Variants in APBB1 observed in about 807,000 individuals in gnomAD.
The protein encoded by APBB1 is adaptor protein FE65a2.
Under a neutral mutation model 78.4 loss-of-function variants are expected in APBB1, and 22 were observed. The ratio of observed to expected loss-of-function variants is 0.28; its 90% confidence interval spans 0.20 to 0.40. The LOEUF (loss-of-function observed/expected upper bound fraction) is 0.40, where lower values mean the gene tolerates loss of function less well. APBB1 is among the 10% of genes least tolerant of loss of function. The probability of loss-of-function intolerance (pLI) is 1.00; values close to 1 mark genes in which losing one functional copy is unlikely to be tolerated. For synonymous variants in APBB1, 369 were observed against 372.7 expected (o/e 0.99, Z 0.12); for missense variants, 749 against 932.4 (o/e 0.80, Z 2.56).
intron 2 of APBB1, among the ~76,000 whole-genome samples, chr11:6,406,698 C>A (rs1421252774): frequency 6.6e-6 from 1 of 152,118 alleles, no homozygotes; most frequent in Non-Finnish European, 1.5e-5. Flanking sequence ...TCCCAGCCCA[C>A]CTCCCTTACT....
chr11:6,415,889 C>A (rs1044559227), intron 1 of APBB1, among the ~76,000 whole-genome samples: 3 of 152,214 alleles, frequency 2.0e-5, no homozygotes, highest in African/African-American at 7.2e-5. Context: ...GGTCTCCCAA[C>A]TTGACCTGAC....
chr11:6,405,727 C>T (rs768903913), intron 2 of APBB1: 53 of 971,906 alleles, frequency 5.5e-5, no homozygotes, highest in Non-Finnish European at 6.4e-5. Flanking sequence ...GCAGCCATCA[C>T]CGCCTCTCCT....
At chr11:6,404,667 C>A in intron 2 of APBB1, 9 of 1,536,264 alleles carry the variant, frequency 5.9e-6, no homozygotes, top group South Asian at 3.6e-5. Flanking sequence ...AACCCTGTAA[C>A]CCGCTCATGC....
Position 6,401,915 on chromosome 11 carries a change from G to C in APBB1, c.1388+62C>G, listed in dbSNP as rs778129359. 1.1e-5 allele frequency: 17 copies of C among 1,550,852 alleles called. No individual in the cohort carries two copies. The highest frequency in any genetic ancestry group is 1.5e-5 in the Non-Finnish European group (17 of 1,151,240). ...GGTGGGAAGGGGCAGGGCAGAAGAG[G>C]GGAGCTTGGGTGCTTCCAGGCATCT... On this transcript the variant is annotated intron_variant, in intron 9 of 14. Transcript: ENST00000609360. This position sits in a 1 kb window ranked among gnomAD's most constrained non-coding sequence, Gnocchi z 4.5.
chr11:6,412,508 C>T (rs1231040104), intron 1 of APBB1, among the ~76,000 whole-genome samples: 1 of 152,160 alleles, frequency 6.6e-6, no homozygotes, highest in Non-Finnish European at 1.5e-5. Context: ...CCCTGAACAC[C>T]CATTTTAAAA....
chr11:6,414,218 T>C (rs752760390), intron 1 of APBB1, among the ~76,000 whole-genome samples: 4 of 152,136 alleles, frequency 2.6e-5, no homozygotes, highest in Non-Finnish European at 4.4e-5. Flanking sequence ...AAGCCCTGGG[T>C]CTTTGTTTAT....
intron 2 of APBB1, chr11:6,405,700 G>C (rs1848775099): frequency 2.0e-6 from 2 of 985,370 alleles, no homozygotes. Flanking sequence ...AGGGGCTCTT[G>C]CCCATCCACC....
In APBB1 at chr11:6,403,385, G is replaced by T; in HGVS notation, c.974C>A (p.Ala325Asp). 1 of 1,614,140 alleles carries T rather than the reference G, an allele frequency of 6.2e-7. No individual in the cohort carries two copies. Among genetic ancestry groups the T allele is most frequent in the Non-Finnish European group, 8.5e-7 (1 of 1,180,008 alleles). ...EFWKDEPSDE[A>D]PMELGLKEPE... ...TTCCTTCAGTCCCAGCTCCATTGGG[G>T]CCTCATCACTGGGTTCATCCTTGGG... The change falls in exon 5 of 15, where the codon GCC (alanine) becomes GAC (aspartate). Residue 325 changes from alanine (A) to aspartate (D), a missense_variant. Ala to Asp is a moderately radical substitution (Grantham distance 126, BLOSUM62 -2). Around this residue, in one of 3 missense-constraint regions of APBB1, gnomAD observed 635 missense variants for 765.0 expected, o/e 0.83. Transcript: ENST00000609360. This position sits in a 1 kb window ranked among gnomAD's most constrained non-coding sequence, Gnocchi z 5.3.
chr11:6,397,223 G>A (rs940951301), intron 12 of APBB1, among the ~76,000 whole-genome samples: 4 of 152,224 alleles, frequency 2.6e-5, no homozygotes, highest in Non-Finnish European at 4.4e-5. Flanking sequence ...GCCCCTTTTA[G>A]TGGCTCTCAG....
intron 1 of APBB1, among the ~76,000 whole-genome samples, chr11:6,416,465 A>G (rs1334039485): frequency 6.6e-6 from 1 of 152,144 alleles, no homozygotes; most frequent in Non-Finnish European, 1.5e-5. Context: ...TTTCTACTCA[A>G]CATCTCCACT....
rs1450127698 is a variant in APBB1 at position 6,403,054 on chromosome 11, C to A, written c.1104+91G>T. The A allele has an allele frequency of 6.4e-6, 8 of 1,259,508 alleles. No homozygotes were observed. The Admixed American group carries it at 1.4e-4, about 21-fold the overall frequency. 78.0% of individuals were successfully genotyped at this position (1,259,508 alleles called of 1,614,324 possible). A position where few individuals can be genotyped will look rare whatever the true frequency, so the allele number is the denominator to read the frequency against. On this transcript the variant is annotated intron_variant, in intron 6 of 14. Coordinates refer to ENST00000609360, the MANE Select transcript of APBB1 (RefSeq NM_001164.5). This position sits in a 1 kb window ranked among gnomAD's most constrained non-coding sequence, Gnocchi z 5.3. The stretch of plus-strand genomic sequence containing the variant: ...AACTCCTAACTCAGGACCTGGGGAA[C>A]TGCGCTGAGACCCCTCAGAGCACAA...
chr11:6,415,674 G>C (rs371360625), intron 1 of APBB1, among the ~76,000 whole-genome samples: 42 of 152,230 alleles, frequency 2.8e-4, no homozygotes, highest in African/African-American at 9.4e-4. Context: ...ATTCACAGAG[G>C]AAAGGGAAGC....
intron 6 of APBB1, chr11:6,402,926 T>C: frequency 1.2e-6 from 1 of 803,926 alleles, no homozygotes; most frequent in Middle Eastern, 3.5e-4. Flanking sequence ...AAAAAGCACC[T>C]GAACTAAGAC....
At chr11:6,396,565 A>C in intron 12 of APBB1, 1 of 279,726 alleles carries the variant, frequency 3.6e-6, no homozygotes, top group Non-Finnish European at 6.8e-6. Context: ...ATTGCTTCAC[A>C]CCACAATAAC....
rs1340212216 is a variant in APBB1, at chr11:6,411,393, C to A, written c.-14-32G>T. On this transcript the variant is annotated intron_variant, in intron 1 of 14. Coordinates refer to ENST00000609360, the MANE Select transcript of APBB1 (RefSeq NM_001164.5). This position sits in a 1 kb window ranked among gnomAD's most constrained non-coding sequence, Gnocchi z 5.2. ...GGTGCGGAGGGGAGATGCTGTTGAG[C>A]CTCTGGTCCAGAACAGCAGCATCAC... The A allele has an allele frequency of 1.3e-6, 2 of 1,505,570 alleles. No individual in the cohort carries two copies. The highest frequency in any genetic ancestry group is 1.8e-6 in the Non-Finnish European group (2 of 1,127,022). The allele number at this position is 1,505,570 out of a possible 1,614,324, so 93.3% of individuals were successfully genotyped here.
intron 1 of APBB1, among the ~76,000 whole-genome samples, chr11:6,413,618 A>G (rs1849038783): frequency 6.6e-6 from 1 of 151,662 alleles, no homozygotes; most frequent in African/African-American, 2.4e-5. Context: ...ACGCCCAGCT[A>G]ATTTTTGTAA....
chr11:6,402,665 G>A lies in APBB1; in HGVS notation c.1165C>T (p.Arg389Cys), dbSNP rs373773932. The stretch of plus-strand genomic sequence containing the variant: ...CAATTGTTGACTGCCACACTGCTGC[G>A]TCCAGGGGCCAGCTCCTCCTCGGTC... ...EMTEEELAPGRSSVAVNNCIR... is the reference protein window; with the variant it reads ...EMTEEELAPGCSSVAVNNCIR... The change falls in exon 7 of 15, where the codon CGC becomes TGC. Residue 389 changes from arginine to cysteine, a missense_variant. Physicochemically the swap from Arg to Cys is radical, Grantham distance 180 (BLOSUM62 -3). Transcript: ENST00000609360. 9.3e-6 allele frequency: 15 copies of A among 1,614,014 alleles called. No individual in the cohort carries two copies. Among genetic ancestry groups the A allele is most frequent in the African/African-American group, 5.3e-5 (4 of 74,904 alleles).
chr11:6,417,953 G>T (rs190411361), intron 1 of APBB1, among the ~76,000 whole-genome samples: 1 of 152,338 alleles, frequency 6.6e-6, no homozygotes, highest in East Asian at 1.9e-4. Flanking sequence ...AGAGCAGCTG[G>T]ACATATGAGT....
rs1335379452 is a variant in APBB1 at position 6,419,072 on chromosome 11, C to T, written c.-102G>A. 2 of 389,302 alleles carry T rather than the reference C, an allele frequency of 5.1e-6. No homozygotes were observed. Among genetic ancestry groups the T allele is most frequent in the Non-Finnish European group, 9.1e-6 (2 of 220,002 alleles). 24.1% of individuals were successfully genotyped at this position (389,302 alleles called of 1,614,324 possible). A position where few individuals can be genotyped will look rare whatever the true frequency, so the allele number is the denominator to read the frequency against. ...GCCGCGGCTTCTCCATCACAACATCCCCCGCCCAGGAGCGCGCGGGCCGCG... is the reference window on the plus strand; with the variant it reads ...GCCGCGGCTTCTCCATCACAACATCTCCCGCCCAGGAGCGCGCGGGCCGCG... On this transcript the variant is annotated 5_prime_UTR_variant, in exon 1 of 15. Coordinates refer to ENST00000609360, the MANE Select transcript of APBB1 (RefSeq NM_001164.5).
Sources: gnomAD v4.1 joint callset for allele counts (sites outside exome capture counted in the v4.1 genomes callset) on GRCh38, gnomAD v4.1.1 for gene constraint, gnomAD v4.1.1 regional missense constraint, Gnocchi (gnomAD v3.1) non-coding constraint, MANE v1.5 for transcripts, NCBI Gene and HGNC (gene_info 2026-07-23, HGNC 2026-07-21) for gene names.